The following ESRP1 variants were observed in gnomAD, a reference collection of about 807,000 sequenced individuals.
ESRP1 encodes the protein RNA-binding motif protein 35A.
Under a neutral mutation model 81.7 loss-of-function variants are expected in ESRP1, and 33 were observed. That is an observed-to-expected ratio of 0.40 (90% CI 0.31 to 0.54). The LOEUF is 0.54. ESRP1 is among the 20% of genes least tolerant of loss of function. ESRP1 has a pLI of 0.41. For synonymous variants in ESRP1, 320 were observed against 303.3 expected (o/e 1.06, Z -0.57); for missense variants, 672 against 833.1 (o/e 0.81, Z 2.38).
In ESRP1 at chr8:94,674,479, T is replaced by G. The variant is rs760241700; in HGVS notation, c.1624T>G (p.Leu542Val). 6.2e-7 allele frequency: 1 copy of G among 1,613,714 alleles called. No homozygotes were observed. The highest frequency in any genetic ancestry group is 1.3e-5 in the African/African-American group (1 of 74,922). The change falls in exon 12 of 16, where the codon TTA (leucine) becomes GTA (valine). Residue 542 changes from leucine (L) to valine (V), a missense_variant. Leu to Val is a conservative substitution (Grantham distance 32, BLOSUM62 1). Coordinates refer to ENST00000433389, the MANE Select transcript of ESRP1 (RefSeq NM_017697.4). The stretch of plus-strand genomic sequence containing the variant: ...GGGGGGCACTTTAAATCGAAATGGC[T>G]TATCCCCACCGCCATGTAAGTTACC... ...LMGGTLNRNG[L>V]SPPPCKLPCL... is the part of the protein sequence containing the mutation.
At chr8:94,647,180 A>G (rs145380862) in intron 4 of ESRP1, among the ~76,000 whole-genome samples, 1 of 152,128 alleles carries the variant, frequency 6.6e-6, no homozygotes, top group African/African-American at 2.4e-5. Flanking sequence ...TTTCATAACT[A>G]CTTGTAAACA....
Position 94,680,239 on chromosome 8 carries a change from C to T in ESRP1, c.1820+1868C>T, listed in dbSNP as rs181548263. On this transcript the variant is annotated intron_variant, in intron 13 of 15. Transcript: ENST00000433389. Reference sequence around the variant, plus strand: ...GAAGGTCAGGTGCGTTATATATAAGCTAATACTTCCAAATTAACCCCTAGA... The same window carrying T: ...GAAGGTCAGGTGCGTTATATATAAGTTAATACTTCCAAATTAACCCCTAGA... Among the ~76,000 whole-genome samples, 163 of 152,210 alleles carry T rather than the reference C, an allele frequency of 1.1e-3. 2 individuals carry two copies. Among genetic ancestry groups the T allele is most frequent in the Non-Finnish European group, 4.3e-4 (29 of 68,010 alleles).
chr8:94,705,699 C>T, intron 15 of ESRP1: 1 of 516,120 alleles, frequency 1.9e-6, no homozygotes, highest in Non-Finnish European at 3.4e-6. Context: ...TGCAGAACGC[C>T]AACTACTGTG....
chr8:94,641,900 G>T, intron 1 of ESRP1, 56 bp from the exon 2 acceptor site: 1 of 1,602,352 alleles, frequency 6.2e-7, no homozygotes, highest in Non-Finnish European at 8.5e-7. Flanking sequence ...GGAGGAGGGT[G>T]CAGAAAGAGG....
intron 13 of ESRP1, among the ~76,000 whole-genome samples, chr8:94,687,047 C>T (rs1809169033): frequency 6.6e-6 from 1 of 152,062 alleles, no homozygotes; most frequent in African/African-American, 2.4e-5. Flanking sequence ...AATAATTTTA[C>T]AATCTAATCT....
At chr8:94,665,323 G>T in intron 9 of ESRP1, 127 bp downstream of exon 9, 1 of 935,606 alleles carries the variant, frequency 1.1e-6, no homozygotes, top group Non-Finnish European at 1.6e-6. Flanking sequence ...CATGGGAATA[G>T]ATTTTCTTCC....
At chr8:94,692,922 A>T (rs1809462587) in intron 14 of ESRP1, 95 bp downstream of exon 14, 1 of 1,348,680 alleles carries the variant, frequency 7.4e-7, no homozygotes, top group African/African-American at 1.4e-5. Flanking sequence ...ATTCTATGAA[A>T]CTCGTGTGTG....
intron 13 of ESRP1, among the ~76,000 whole-genome samples, chr8:94,686,683 A>G (rs1439602036): frequency 1.3e-5 from 2 of 152,168 alleles, no homozygotes; most frequent in Non-Finnish European, 2.9e-5. Context: ...ATATCTTTTG[A>G]GTACAAGTTA....
chr8:94,662,683 C>T, intron 6 of ESRP1, 128 bp downstream of exon 6: 2 of 727,898 alleles, frequency 2.7e-6, no homozygotes, highest in South Asian at 1.9e-5. Flanking sequence ...TCTCAGCTCA[C>T]TGCAAGCTCC....
At chr8:94,680,260 CTA>C (rs1227816360) in intron 13 of ESRP1, among the ~76,000 whole-genome samples, 2 of 152,114 alleles carry the variant, frequency 1.3e-5, no homozygotes, top group East Asian at 1.9e-4. Context: ...AAATTAACCC[CTA>C]GAGTGTGTTA....
intron 15 of ESRP1, among the ~76,000 whole-genome samples, chr8:94,702,913 G>A (rs866287098): frequency 9.2e-5 from 14 of 152,260 alleles, no homozygotes; most frequent in Middle Eastern, 3.4e-3. Flanking sequence ...CACCAGTGGT[G>A]AAATCCAGAT....
chr8:94,671,743 A>C, intron 11 of ESRP1, 72 bp downstream of exon 11: 1 of 1,000,046 alleles, frequency 1.0e-6, no homozygotes, highest in Non-Finnish European at 1.4e-6. Context: ...AATATTAGAT[A>C]TTAGATAATC....
chr8:94,662,122 A>T (rs773600010), intron 4 of ESRP1, 150 bp from the exon 5 acceptor site: 4 of 559,396 alleles, frequency 7.2e-6, no homozygotes, highest in African/African-American at 1.9e-5. Flanking sequence ...AAGTTGAATG[A>T]CTGACTGATG....
Position 94,696,915 on chromosome 8 carries a change from G to T in ESRP1, c.2035G>T (p.Val679Phe), listed in dbSNP as rs1263460447. ...DQARTLPKEW[V>F]CI The stretch of plus-strand genomic sequence containing the variant: ...GGCCAGGACTCTACCCAAAGAATGG[G>T]TTTGTATTTAAGGGCCCCAGCAGTT... The change falls in exon 15 of 16, where the codon GTT becomes TTT. Residue 679 changes from valine to phenylalanine, a missense_variant. Physicochemically the swap from Val to Phe is conservative, Grantham distance 50. Coordinates refer to ENST00000433389, the MANE Select transcript of ESRP1 (RefSeq NM_017697.4). The T allele has an allele frequency of 1.3e-6, 2 of 1,589,826 alleles. No homozygotes were observed. The highest frequency in any genetic ancestry group is 2.7e-5 in the African/African-American group (2 of 74,666).
chr8:94,691,549 C>T (rs986668667), intron 13 of ESRP1, among the ~76,000 whole-genome samples: 1 of 152,150 alleles, frequency 6.6e-6, no homozygotes, highest in Non-Finnish European at 1.5e-5. Context: ...TGATCACCCC[C>T]CAGTAAGCAA....
chr8:94,675,599 A>G (rs1819550661), intron 12 of ESRP1, among the ~76,000 whole-genome samples: 1 of 152,204 alleles, frequency 6.6e-6, no homozygotes, highest in African/African-American at 2.4e-5. Context: ...GAGATCTTAC[A>G]GTAATCTCAG....
chr8:94,669,800 G>A (rs1258570904), intron 10 of ESRP1, among the ~76,000 whole-genome samples: 1 of 151,094 alleles, frequency 6.6e-6, no homozygotes, highest in African/African-American at 2.4e-5. Flanking sequence ...AACCCGGGAG[G>A]TGGAGATTGC....
intron 15 of ESRP1, among the ~76,000 whole-genome samples, chr8:94,702,951 A>G (rs1332713797): frequency 6.6e-6 from 1 of 152,194 alleles, no homozygotes; most frequent in African/African-American, 2.4e-5. Flanking sequence ...TGTATGTAAT[A>G]CTTTAATGAC....
chr8:94,657,194 G>A (rs192692813), intron 4 of ESRP1, among the ~76,000 whole-genome samples: 17 of 152,266 alleles, frequency 1.1e-4, no homozygotes, highest in Non-Finnish European at 1.5e-5. Flanking sequence ...TTTCCTTGAG[G>A]CATTTCTCAT....
Sources: gnomAD v4.1 joint callset for allele counts (sites outside exome capture counted in the v4.1 genomes callset) on GRCh38, gnomAD v4.1.1 for gene constraint, MANE v1.5 for transcripts, NCBI Gene and HGNC (gene_info 2026-07-23, HGNC 2026-07-21) for gene names.